CES4A: variants seen among roughly 807,000 people sequenced by gnomAD.
The protein encoded by CES4A is carboxylesterase 6.
A neutral mutation model predicts 65.4 loss-of-function variants in CES4A; 48 were observed. The observed-to-expected ratio is 0.73, with a 90% CI of 0.58 to 0.93. CES4A has a LOEUF of 0.93. Among genes scored for constraint, CES4A ranks in the 40% least tolerant of loss-of-function variants. The pLI is 0.00. For missense variants in CES4A, 685 were observed against 728.5 expected, an observed-to-expected ratio of 0.94 and a Z score of 0.69; for synonymous variants, 247 against 281.8, an observed-to-expected ratio of 0.88 and a Z score of 1.24.
intron 1 of CES4A, among the ~76,000 whole-genome samples, chr16:66,994,216 T>TTTTATTTATTTATTTATTTA (rs59252158): frequency 5.6e-5 from 8 of 144,118 alleles, no homozygotes; most frequent in South Asian, 2.2e-4. Flanking sequence ...AGACATAAAT[T>TTTTATTTATTTATTTATTTA]TTTATTTATT....
exon 9 of CES4A, chr16:67,004,161 G>A: frequency 1.2e-6 from 2 of 1,614,214 alleles, no homozygotes; most frequent in Non-Finnish European, 1.7e-6. Flanking sequence ...CCCAGGGGAA[G>A]GTTTCATCTG....
intron 13 of CES4A, chr16:67,008,392 CT>C (rs569143559): frequency 1.4e-4 from 21 of 148,704 alleles, no homozygotes; most frequent in Admixed American, 2.0e-4. Flanking sequence ...CACACACTCT[CT>C]TTTTTTTTTG....
At chr16:67,009,430 C>A (rs992553351) in exon 14 of CES4A, 1 of 304,244 alleles carries the variant, frequency 3.3e-6, no homozygotes. Context: ...AGCCTCAGGA[C>A]AACCTCTTTT....
chr16:67,002,227 G>T (rs961622628), intron 5 of CES4A, among the ~76,000 whole-genome samples: 2 of 152,036 alleles, frequency 1.3e-5, no homozygotes, highest in Non-Finnish European at 2.9e-5. Flanking sequence ...GTGCAATGGC[G>T]TGATCTCAGC....
Position 67,000,616 on chromosome 16 carries a change from C to T in CES4A, c.261-22C>T. ...ATTGAAACGATCTCCCCGCGGCCGC[C>T]GCCGCTACCTGGTGCCCGCAGGTGC... On this transcript the variant is annotated intron_variant, in intron 2 of 13. Coordinates refer to ENST00000648724, the Ensembl canonical transcript of CES4A. The surrounding 1 kb of genome is among the most constrained non-coding windows in gnomAD (Gnocchi z 4.2). 1 of 1,530,030 alleles carries T rather than the reference C, an allele frequency of 6.5e-7. No homozygotes were observed. Among genetic ancestry groups the T allele is most frequent in the Non-Finnish European group, 8.8e-7 (1 of 1,135,438 alleles). 94.8% of individuals were successfully genotyped at this position (1,530,030 alleles called of 1,614,324 possible). A position where few individuals can be genotyped will look rare whatever the true frequency, so the allele number is the denominator to read the frequency against.
At chr16:66,989,687 C>T (rs1037182562) in intron 1 of CES4A, among the ~76,000 whole-genome samples, 1 of 152,034 alleles carries the variant, frequency 6.6e-6, no homozygotes, top group Non-Finnish European at 1.5e-5. Flanking sequence ...ATTACCCCGT[C>T]TCTACTAAAA....
rs1293117555 is a variant in CES4A at position 67,004,775 on chromosome 16, T to C, written c.1081-18T>C. On this transcript the variant is annotated intron_variant, in intron 9 of 13. Coordinates refer to ENST00000648724, the Ensembl canonical transcript of CES4A. ...TGCTCAGGCCTGACCCACACTGGGG[T>C]CCTTGTCTTGTGAACAGATCATGAA... 6.5e-7 allele frequency: 1 copy of C among 1,534,872 alleles called. No individual in the cohort carries two copies. Among genetic ancestry groups the C allele is most frequent in the Non-Finnish European group, 8.7e-7 (1 of 1,146,026 alleles).
Position 67,000,149 on chromosome 16 carries a change from A to G in CES4A, c.261-489A>G, listed in dbSNP as rs570105418. On this transcript the variant is annotated intron_variant, in intron 2 of 13. Transcript: ENST00000648724. This position sits in a 1 kb window ranked among gnomAD's most constrained non-coding sequence, Gnocchi z 4.2. Reference sequence around the variant, plus strand: ...GTACATATTAGGGAAGATATGAAGAAGAGGAGTGACATAGTCCGCCAGAGT... The same window carrying G: ...GTACATATTAGGGAAGATATGAAGAGGAGGAGTGACATAGTCCGCCAGAGT... Among the ~76,000 whole-genome samples, 6 of 152,314 alleles carry G rather than the reference A, an allele frequency of 3.9e-5. No individual in the cohort carries two copies. Among genetic ancestry groups the G allele is most frequent in the Admixed American group, 2.0e-4 (3 of 15,302 alleles).
chr16:67,004,162 G>T (rs745482351), exon 9 of CES4A: 28 of 1,614,226 alleles, frequency 1.7e-5, no homozygotes, highest in Non-Finnish European at 2.3e-5. Flanking sequence ...CCAGGGGAAG[G>T]TTTCATCTGT....
At chr16:66,993,429 G>A (rs1042706133) in intron 1 of CES4A, among the ~76,000 whole-genome samples, 5 of 152,002 alleles carry the variant, frequency 3.3e-5, no homozygotes, top group African/African-American at 1.2e-4. Flanking sequence ...TGCAACCTCC[G>A]CCTCCCGGGT....
chr16:66,989,114 T>C (rs1364600457), intron 1 of CES4A, among the ~76,000 whole-genome samples: 1 of 152,054 alleles, frequency 6.6e-6, no homozygotes, highest in African/African-American at 2.4e-5. Context: ...TTCCCACCTT[T>C]TTCCTTCCTT....
At chr16:67,006,120 G>A in intron 11 of CES4A, 1 of 419,626 alleles carries the variant, frequency 2.4e-6, no homozygotes, top group South Asian at 3.0e-5. Flanking sequence ...GAAAAGGAAG[G>A]CTTCCATGAT....
In CES4A at chr16:66,993,350, TTGTC is replaced by T. The variant is rs537281249; in HGVS notation, c.59-2274_59-2271del. ...TCTGCATGTTTCTTGGAGTGTTTGT[TTGTC>T]TGTTTTGAGACGGAGTCTCACTTTG... On this transcript the variant is annotated intron_variant, in intron 1 of 13. Transcript: ENST00000648724. Among the ~76,000 whole-genome samples, 511 of 152,304 alleles carry T rather than the reference TTGTC, an allele frequency of 3.4e-3. 3 individuals are homozygous for T. The highest frequency in any genetic ancestry group is 0.011 in the African/African-American group (474 of 41,566).
At chr16:66,994,634 G>A (rs1031706800) in intron 1 of CES4A, among the ~76,000 whole-genome samples, 2 of 151,546 alleles carry the variant, frequency 1.3e-5, no homozygotes. Context: ...GAGGTCAGGA[G>A]ATAGAGACCA....
chr16:67,006,631 A>G (rs1965781952), intron 12 of CES4A, 112 bp downstream of exon 12: 1 of 1,536,442 alleles, frequency 6.5e-7, no homozygotes, highest in Non-Finnish European at 8.9e-7. Context: ...CTAATCTGTT[A>G]TGCTCTCCCA....
At position 67,008,955 on chromosome 16, in the gene CES4A, CTTTT is replaced by C. The variant is rs1360668154; in HGVS notation, c.1518-16_1518-13del. 17 of 1,606,558 alleles carry C rather than the reference CTTTT, an allele frequency of 1.1e-5. No individual in the cohort carries two copies. The highest frequency in any genetic ancestry group is 1.4e-5 in the Non-Finnish European group (17 of 1,177,354). On this transcript the variant is annotated splice_polypyrimidine_tract_variant and intron_variant, in intron 13 of 13. Transcript: ENST00000648724. ...TGAAAAGGAACACAGGTAATCCTCTCTTTTTTATTTCTGGGCAGAAACCCCAATG... is the reference window on the plus strand; with the variant it reads ...TGAAAAGGAACACAGGTAATCCTCTCTTATTTCTGGGCAGAAACCCCAATG...
intron 1 of CES4A, among the ~76,000 whole-genome samples, chr16:66,992,104 C>G (rs1964436344): frequency 6.6e-6 from 1 of 152,210 alleles, no homozygotes; most frequent in South Asian, 2.1e-4. Flanking sequence ...TGGGTTAGAC[C>G]TTGGCCTCCT....
Position 67,004,774 on chromosome 16 carries a change from G to A in CES4A, c.1081-19G>A. ...ATGCTCAGGCCTGACCCACACTGGG[G>A]TCCTTGTCTTGTGAACAGATCATGA... On this transcript the variant is annotated intron_variant, in intron 9 of 13. Coordinates refer to ENST00000648724, the Ensembl canonical transcript of CES4A. 2.0e-6 allele frequency: 3 copies of A among 1,534,952 alleles called. No homozygotes were observed. Among genetic ancestry groups the A allele is most frequent in the Non-Finnish European group, 2.6e-6 (3 of 1,145,858 alleles).
At chr16:67,004,167 A>G (rs770227990) in exon 9 of CES4A, 5 of 1,614,158 alleles carry the variant, frequency 3.1e-6, no homozygotes, top group African/African-American at 1.3e-5. Flanking sequence ...GGAAGGTTTC[A>G]TCTGTGCCCT....
Sources: allele counts gnomAD v4.1 joint callset (sites outside exome capture counted in the v4.1 genomes callset), GRCh38; gene constraint gnomAD v4.1.1; non-coding constraint Gnocchi (gnomAD v3.1); transcripts MANE v1.5; gene names NCBI Gene and HGNC (gene_info 2026-07-23, HGNC 2026-07-21).